GALNT14: variants seen among roughly 807,000 people sequenced by gnomAD.
GALNT14 encodes the protein polypeptide N-acetylgalactosaminyltransferase 14.
GALNT14 carries 60 observed loss-of-function variants against 77.5 expected under a neutral mutation model. That is an observed-to-expected ratio of 0.77 (90% confidence interval 0.63 to 0.96). The LOEUF (loss-of-function observed/expected upper bound fraction) is 0.96, where lower values mean the gene tolerates loss of function less well. GALNT14 is among the 40% of genes least tolerant of loss of function. The probability of loss-of-function intolerance (pLI) is 0.00; values close to 1 mark genes in which losing one functional copy is unlikely to be tolerated. For missense variants in GALNT14, 710 were observed against 731.0 expected (o/e 0.97, Z 0.33); for synonymous variants, 280 against 281.7 (o/e 0.99, Z 0.06).
At chr2:31,044,758 AAT>A (rs1184461328) in intron 1 of GALNT14, among the ~76,000 whole-genome samples, 1 of 50,768 alleles carries the variant, frequency 2.0e-5, no homozygotes. Flanking sequence ...TCTCTACAAA[AAT>A]ACAAAAATAC....
intron 6 of GALNT14, among the ~76,000 whole-genome samples, chr2:30,949,738 C>T (rs1363972080): frequency 1.3e-5 from 2 of 152,260 alleles, no homozygotes; most frequent in Admixed American, 1.3e-4. Context: ...GATCAACCAG[C>T]ACTCCTGAGC....
intron 1 of GALNT14, among the ~76,000 whole-genome samples, chr2:31,018,282 G>A (rs1253195139): frequency 1.3e-5 from 2 of 152,250 alleles, no homozygotes; most frequent in Non-Finnish European, 2.9e-5. Flanking sequence ...CTGAAGAGTT[G>A]TATTAGTTTG....
intron 11 of GALNT14, among the ~76,000 whole-genome samples, chr2:30,926,188 G>A (rs1280474729): frequency 1.3e-5 from 2 of 152,224 alleles, no homozygotes; most frequent in African/African-American, 2.4e-5. Flanking sequence ...AATATTGGGT[G>A]TTTAGCAAGG....
chr2:31,051,239 A>G (rs1043539758), intron 1 of GALNT14, among the ~76,000 whole-genome samples: 2 of 152,208 alleles, frequency 1.3e-5, no homozygotes, highest in Non-Finnish European at 2.9e-5. Flanking sequence ...AATGTTATGC[A>G]TCCACCGGGC....
chr2:31,045,284 G>T (rs949844500), intron 1 of GALNT14, among the ~76,000 whole-genome samples: 1 of 152,150 alleles, frequency 6.6e-6, no homozygotes, highest in African/African-American at 2.4e-5. Flanking sequence ...GTGGTGCCAA[G>T]CTGAGCTCAG....
chr2:31,087,780 T>C (rs1010728166), intron 1 of GALNT14, among the ~76,000 whole-genome samples: 8 of 152,312 alleles, frequency 5.3e-5, no homozygotes, highest in Admixed American at 3.9e-4. Context: ...TGCTATAGAC[T>C]GAAGGTTTGT....
intron 1 of GALNT14, among the ~76,000 whole-genome samples, chr2:31,110,128 T>A (rs1445487743): frequency 6.6e-6 from 1 of 152,158 alleles, no homozygotes; most frequent in East Asian, 1.9e-4. Context: ...AAAACTGGTT[T>A]AATTTCTATA....
intron 1 of GALNT14, among the ~76,000 whole-genome samples, chr2:31,027,910 G>GTGTGTGTGTGTGTGTGTGTGTA (rs1489853697): frequency 3.9e-5 from 6 of 152,074 alleles, no homozygotes; most frequent in Non-Finnish European, 5.9e-5. Flanking sequence ...GTGTGTGTGT[G>GTGTGTGTGTGTGTGTGTGTGTA]TGTGTGTGCA....
At chr2:30,986,263 G>A (rs529228262) in intron 2 of GALNT14, among the ~76,000 whole-genome samples, 8 of 152,298 alleles carry the variant, frequency 5.3e-5, no homozygotes, top group African/African-American at 7.2e-5. Context: ...AGGCTTCCCC[G>A]GCTAGAGTTT....
Position 31,003,811 on chromosome 2 carries a change from C to T in GALNT14, c.130-10804G>A, listed in dbSNP as rs1247375250. Among the ~76,000 whole-genome samples, 3 of 152,300 alleles carry T rather than the reference C, an allele frequency of 2.0e-5. No homozygotes were observed. The East Asian group carries it at 5.8e-4, about 29-fold the overall frequency. On this transcript the variant is annotated intron_variant, in intron 1 of 14. Transcript: ENST00000349752. ...TTTGTTTCTGGAATAGAAAAAGAAACTCACATATTTGGACCTTCTATGGAG... is the reference window on the plus strand; with the variant it reads ...TTTGTTTCTGGAATAGAAAAAGAAATTCACATATTTGGACCTTCTATGGAG...
At chr2:31,090,702 G>A (rs541061941) in intron 1 of GALNT14, among the ~76,000 whole-genome samples, 10 of 151,756 alleles carry the variant, frequency 6.6e-5, no homozygotes, top group Admixed American at 1.3e-4. Flanking sequence ...GGCTGGTCTC[G>A]AACTCCTGAC....
chr2:30,919,370 G>A (rs1664892019), intron 13 of GALNT14, among the ~76,000 whole-genome samples: 1 of 152,140 alleles, frequency 6.6e-6, no homozygotes, highest in African/African-American at 2.4e-5. Context: ...GAATGGATAG[G>A]ACTGGGGGTG....
chr2:30,906,399 G>T (rs1468802584), downstream of GALNT14, among the ~76,000 whole-genome samples: 2 of 148,904 alleles, frequency 1.3e-5, no homozygotes, highest in Non-Finnish European at 3.0e-5. Flanking sequence ...AAAAGGCAGG[G>T]GTTGCAATCC....
At chr2:31,088,716 G>A (rs956804006) in intron 1 of GALNT14, among the ~76,000 whole-genome samples, 5 of 152,202 alleles carry the variant, frequency 3.3e-5, no homozygotes, top group African/African-American at 1.2e-4. Context: ...AGTCGGGTGG[G>A]GTTATGTTTA....
intron 1 of GALNT14, among the ~76,000 whole-genome samples, chr2:31,092,879 C>CA (rs1676822666): frequency 6.6e-6 from 1 of 152,096 alleles, no homozygotes; most frequent in African/African-American, 2.4e-5. Flanking sequence ...CTTTTAATGG[C>CA]AAAAATTGCA....
chr2:30,922,095 G>T (rs530741556), intron 13 of GALNT14, among the ~76,000 whole-genome samples: 1 of 152,186 alleles, frequency 6.6e-6, no homozygotes, highest in Non-Finnish European at 1.5e-5. Context: ...TGGGAGAAGG[G>T]GGTCACATGG....
chr2:30,953,308 T>C (rs928230823), intron 6 of GALNT14, among the ~76,000 whole-genome samples: 1 of 144,044 alleles, frequency 6.9e-6, no homozygotes, highest in Non-Finnish European at 1.5e-5. Flanking sequence ...TTCCTTCCTT[T>C]TTTTTTTTTT....
At chr2:30,996,106 G>A (rs1172319497) in intron 1 of GALNT14, among the ~76,000 whole-genome samples, 1 of 152,178 alleles carries the variant, frequency 6.6e-6, no homozygotes, top group African/African-American at 2.4e-5. Flanking sequence ...TGATTCAAAT[G>A]TTCATCTCAT....
intron 1 of GALNT14, among the ~76,000 whole-genome samples, chr2:31,096,071 C>G (rs1676990787): frequency 6.6e-6 from 1 of 152,138 alleles, no homozygotes. Context: ...TTCTTCATCT[C>G]CATCTTCAAA....
Sources: gnomAD v4.1 joint callset for allele counts (sites outside exome capture counted in the v4.1 genomes callset) on GRCh38, gnomAD v4.1.1 for gene constraint, MANE v1.5 for transcripts, NCBI Gene and HGNC (gene_info 2026-07-23, HGNC 2026-07-21) for gene names.